Variants in UHRF1 observed in about 807,000 individuals in gnomAD.
UHRF1 encodes the protein E3 ubiquitin-protein ligase UHRF1.
Under a neutral mutation model 96.5 loss-of-function variants are expected in UHRF1, and 9 were observed. The ratio of observed to expected loss-of-function variants is 0.09; its 90% confidence interval spans 0.06 to 0.16. The LOEUF (loss-of-function observed/expected upper bound fraction) is 0.16, where lower values mean the gene tolerates loss of function less well. Ranked by LOEUF, UHRF1 falls within the 10% of genes least tolerant of loss-of-function variation. The pLI is 1.00. For synonymous variants in UHRF1, 455 were observed against 469.9 expected, an observed-to-expected ratio of 0.97 and a Z score of 0.41; for missense variants, 626 against 1,131.1, an observed-to-expected ratio of 0.55 and a Z score of 6.40.
chr19:4,939,995 G>A (rs1461927302), intron 5 of UHRF1, among the ~76,000 whole-genome samples: 4 of 148,320 alleles, frequency 2.7e-5, no homozygotes, highest in African/African-American at 7.5e-5. Context: ...CTGCACTCCA[G>A]CCTGGGCGAC....
intron 11 of UHRF1, among the ~76,000 whole-genome samples, chr19:4,949,473 G>GACAC (rs10580944): frequency 0.029 from 4,342 of 147,758 alleles, 83 homozygotes; most frequent in African/African-American, 0.049. Flanking sequence ...TTGGCACATA[G>GACAC]ACACACACAC....
intron 5 of UHRF1, among the ~76,000 whole-genome samples, chr19:4,933,179 T>C (rs1297679102): frequency 6.6e-6 from 1 of 152,196 alleles, no homozygotes; most frequent in Non-Finnish European, 1.5e-5. Context: ...CAGGGAACTG[T>C]CTCTGACCCC....
chr19:4,957,066 G>A (rs2033875708), intron 16 of UHRF1, among the ~76,000 whole-genome samples: 2 of 152,164 alleles, frequency 1.3e-5, no homozygotes, highest in African/African-American at 4.8e-5. Context: ...TTGGCCTAAG[G>A]TCTGGAGAGG....
chr19:4,955,976 G>A (rs941101962), intron 15 of UHRF1, among the ~76,000 whole-genome samples: 24 of 151,658 alleles, frequency 1.6e-4, no homozygotes, highest in South Asian at 2.1e-4. Context: ...CTCGTTGCCC[G>A]GGCTGGAGTG....
intron 5 of UHRF1, among the ~76,000 whole-genome samples, chr19:4,938,272 T>C (rs1273402075): frequency 6.6e-6 from 1 of 152,062 alleles, no homozygotes; most frequent in African/African-American, 2.4e-5. Context: ...GGACTATCTG[T>C]TTCATCATGT....
intron 11 of UHRF1, among the ~76,000 whole-genome samples, chr19:4,949,102 T>A (rs1310439231): frequency 6.8e-6 from 1 of 147,158 alleles, no homozygotes; most frequent in Non-Finnish European, 1.5e-5. Context: ...TCCACTGCAC[T>A]CCAGCCTGGG....
chr19:4,939,781 T>C (rs2033328352), intron 5 of UHRF1, among the ~76,000 whole-genome samples: 1 of 152,100 alleles, frequency 6.6e-6, no homozygotes, highest in Admixed American at 6.6e-5. Context: ...TCCCAGTACT[T>C]TGGGGGGCCG....
chr19:4,930,972 G>A lies in UHRF1; in HGVS notation c.569+96G>A. The A allele has an allele frequency of 6.5e-7, 1 of 1,527,874 alleles. No homozygotes were observed. Among genetic ancestry groups the A allele is most frequent in the South Asian group, 1.2e-5 (1 of 82,726 alleles). The allele number at this position is 1,527,874 out of a possible 1,614,324, so 94.6% of individuals were successfully genotyped here. On this transcript the variant is annotated intron_variant, in intron 4 of 16. Transcript: ENST00000650932. The surrounding 1 kb of genome is among the most constrained non-coding windows in gnomAD (Gnocchi z 4.4). ...AGGCCAGAGCTTGGCACTGTCTCGA[G>A]ATGGTGATCAGGATCTGGGGCCCCA...
intron 5 of UHRF1, among the ~76,000 whole-genome samples, chr19:4,938,730 G>GTTTTTT (rs71170880): frequency 0.028 from 1,743 of 61,546 alleles, 251 homozygotes; most frequent in Non-Finnish European, 0.038. Flanking sequence ...TTTTGGTCAG[G>GTTTTTT]TTTTTTTTTT....
intron 2 of UHRF1, among the ~76,000 whole-genome samples, chr19:4,917,067 C>T (rs527547926): frequency 0.02 from 1,864 of 90,960 alleles, 32 homozygotes; most frequent in Non-Finnish European, 0.027. Flanking sequence ...GTGGGCAGCT[C>T]GGTGGGGGGG....
At chr19:4,951,696 C>CAAAAA (rs771845391) in intron 13 of UHRF1, among the ~76,000 whole-genome samples, 11 of 83,360 alleles carry the variant, frequency 1.3e-4, no homozygotes, top group Non-Finnish European at 2.6e-4. Context: ...TGGCTCATCA[C>CAAAAA]AAAAAAAAAA....
At chr19:4,917,625 G>C (rs2032565009) in intron 2 of UHRF1, among the ~76,000 whole-genome samples, 1 of 131,554 alleles carries the variant, frequency 7.6e-6, no homozygotes, top group East Asian at 2.4e-4. Context: ...CTGCACTCCA[G>C]CTTGGCAACA....
intron 5 of UHRF1, among the ~76,000 whole-genome samples, chr19:4,939,964 C>T (rs1306263012): frequency 6.8e-6 from 1 of 147,886 alleles, no homozygotes; most frequent in Non-Finnish European, 1.5e-5. Flanking sequence ...GTGGAGCTTG[C>T]AGTGAGCCGA....
intron 10 of UHRF1, among the ~76,000 whole-genome samples, chr19:4,946,444 C>T (rs942152448): frequency 2.0e-5 from 3 of 152,176 alleles, no homozygotes; most frequent in Non-Finnish European, 4.4e-5. Flanking sequence ...GGGGTTCCTT[C>T]CCCTTTCGAC....
At chr19:4,935,081 C>T (rs2033176753) in intron 5 of UHRF1, among the ~76,000 whole-genome samples, 1 of 152,070 alleles carries the variant, frequency 6.6e-6, no homozygotes, top group South Asian at 2.1e-4. Flanking sequence ...TCAAGGGATC[C>T]TCCTGCCTCA....
Position 4,930,545 on chromosome 19 carries a change from C to T in UHRF1, c.409-171C>T, listed in dbSNP as rs17880436. On this transcript the variant is annotated intron_variant, in intron 3 of 16. Transcript: ENST00000650932. The surrounding 1 kb of genome is among the most constrained non-coding windows in gnomAD (Gnocchi z 4.4). ...GGCCCCGCATCCCCGTCACCCCTGC[C>T]GGGGCTGGTTTCTCATGGTCAGCGG... Among the ~76,000 whole-genome samples the T allele has an allele frequency of 0.028, 4,313 of 152,324 alleles. 105 individuals are homozygous for T. Among genetic ancestry groups the T allele is most frequent in the Non-Finnish European group, 0.04 (2,707 of 68,022 alleles).
Position 4,954,585 on chromosome 19 carries a change from C to G in UHRF1, c.1958-65C>G, listed in dbSNP as rs1192264914. 1.9e-6 allele frequency: 3 copies of G among 1,591,078 alleles called. No individual in the cohort carries two copies. The highest frequency in any genetic ancestry group is 2.7e-5 in the African/African-American group (2 of 74,142). ...GTTGAGGTCGTGTGGACGTGGGAGCCGGTGGCTGTCTCTCCGGCAGCTCGG... is the reference window on the plus strand; with the variant it reads ...GTTGAGGTCGTGTGGACGTGGGAGCGGGTGGCTGTCTCTCCGGCAGCTCGG... On this transcript the variant is annotated intron_variant, in intron 14 of 16. Transcript: ENST00000650932. The surrounding 1 kb of genome is among the most constrained non-coding windows in gnomAD (Gnocchi z 5.9).
chr19:4,929,512 C>T (rs566143947), intron 3 of UHRF1, 36 bp downstream of exon 3: 28 of 1,588,306 alleles, frequency 1.8e-5, no homozygotes, highest in Middle Eastern at 3.8e-4. Context: ...TGGGGTTGGA[C>T]GTTCTCCCTG....
intron 2 of UHRF1, among the ~76,000 whole-genome samples, chr19:4,922,210 G>T (rs2032724322): frequency 6.6e-6 from 1 of 151,910 alleles, no homozygotes; most frequent in Non-Finnish European, 1.5e-5. Context: ...GCCTCCCAAA[G>T]TGCTGGGATT....
Sources: gnomAD v4.1 joint callset for allele counts (sites outside exome capture counted in the v4.1 genomes callset) on GRCh38, gnomAD v4.1.1 for gene constraint, Gnocchi (gnomAD v3.1) non-coding constraint, MANE v1.5 for transcripts, NCBI Gene and HGNC (gene_info 2026-07-23, HGNC 2026-07-21) for gene names.